Variants in LARGE1 observed in about 807,000 individuals in gnomAD.
LARGE1 encodes xylosyl- and glucuronyltransferase LARGE1.
LARGE1 carries 43 observed loss-of-function variants against 87.6 expected under a neutral mutation model. The ratio of observed to expected loss-of-function variants is 0.49; its 90% confidence interval spans 0.38 to 0.63. The LOEUF is 0.63. LARGE1 is among the 30% of genes least tolerant of loss of function. The pLI is 0.00. For missense variants in LARGE1, 802 were observed against 1,000.2 expected (o/e 0.80, Z 2.67); for synonymous variants, 434 against 394.6 (o/e 1.10, Z -1.18).
intron 5 of LARGE1, among the ~76,000 whole-genome samples, chr22:33,599,405 G>T (rs1008257648): frequency 2.0e-5 from 3 of 152,146 alleles, no homozygotes; most frequent in Non-Finnish European, 4.4e-5. Context: ...TGTTTTGAGT[G>T]AGTGGAGTTC....
intron 11 of LARGE1, among the ~76,000 whole-genome samples, chr22:33,251,063 G>T (rs1470284817): frequency 6.6e-6 from 1 of 152,164 alleles, no homozygotes; most frequent in Non-Finnish European, 1.5e-5. Context: ...AGAGATTATA[G>T]GGAATTGGTA....
intron 11 of LARGE1, among the ~76,000 whole-genome samples, chr22:33,171,780 C>G (rs1010644011): frequency 6.6e-6 from 1 of 152,198 alleles, no homozygotes; most frequent in Admixed American, 6.5e-5. Context: ...GGGTAGAGCC[C>G]TCATGGAGAA....
chr22:33,453,555 C>T (rs1351944966), intron 6 of LARGE1, among the ~76,000 whole-genome samples: 1 of 152,180 alleles, frequency 6.6e-6, no homozygotes, highest in East Asian at 1.9e-4. Context: ...GAGTCAGCTA[C>T]AGTCAGTGAG....
At chr22:33,258,482 C>CA (rs1240047594) in intron 11 of LARGE1, among the ~76,000 whole-genome samples, 4 of 152,176 alleles carry the variant, frequency 2.6e-5, no homozygotes, top group Admixed American at 6.5e-5. Flanking sequence ...GCATTTGAAT[C>CA]AGAGCAACTC....
chr22:33,770,581 A>G lies in LARGE1; in HGVS notation c.-82-9023T>C, dbSNP rs182371645. Among the ~76,000 whole-genome samples, 358 of 152,226 alleles carry G rather than the reference A, an allele frequency of 2.4e-3. 4 individuals carry two copies. The highest frequency in any genetic ancestry group is 7.5e-3 in the African/African-American group (310 of 41,544). ...CTGCCTGTAGTCACAGCTACTCCGG[A>G]GGCTGAGGGAGGATGATCACTTGAG... On this transcript the variant is annotated intron_variant, in intron 1 of 14. Transcript: ENST00000397394.
chr22:33,315,980 A>G, intron 11 of LARGE1, 105 bp downstream of exon 11: 1 of 1,327,014 alleles, frequency 7.5e-7, no homozygotes, highest in South Asian at 1.3e-5. Flanking sequence ...CCATCCTCCA[A>G]TTTTAGCAGA....
intron 1 of LARGE1, among the ~76,000 whole-genome samples, chr22:33,844,701 A>G (rs1468424169): frequency 1.3e-5 from 2 of 152,004 alleles, no homozygotes; most frequent in Admixed American, 1.3e-4. Flanking sequence ...TTGTTTATAA[A>G]ATAAGAGTGT....
intron 1 of LARGE1, among the ~76,000 whole-genome samples, chr22:33,805,331 C>T (rs1032916750): frequency 1.3e-5 from 2 of 152,118 alleles, no homozygotes; most frequent in Admixed American, 6.6e-5. Context: ...TCCTTGTCTG[C>T]AAGCTCTGCT....
rs143929816 is a variant in LARGE1 at position 33,684,436 on chromosome 22, C to T, written c.107-33768G>A. 4.6e-3 allele frequency among the ~76,000 whole-genome samples: 698 copies of T among 152,084 alleles called. 2 individuals are homozygous for T. Among genetic ancestry groups the T allele is most frequent in the Middle Eastern group, 6.8e-3 (2 of 294 alleles). ...CCTGATCTGCCCCCGAGAAACAAGA[C>T]GGATAGAAGAGAAAATCCCATAGAA... On this transcript the variant is annotated intron_variant, in intron 2 of 14. Transcript: ENST00000397394.
At chr22:33,595,739 G>A (rs986179989) in intron 5 of LARGE1, among the ~76,000 whole-genome samples, 2 of 152,132 alleles carry the variant, frequency 1.3e-5, no homozygotes, top group Middle Eastern at 3.2e-3. Flanking sequence ...GCCAGGATTG[G>A]CCAGATTTTG....
Position 33,424,713 on chromosome 22 carries a change from T to C in LARGE1, c.892+7448A>G, listed in dbSNP as rs575366530. Among the ~76,000 whole-genome samples the C allele has an allele frequency of 3.9e-5, 6 of 152,096 alleles. No homozygotes were observed. In the South Asian group the frequency reaches 1.0e-3, roughly 26 times the overall value. On this transcript the variant is annotated intron_variant, in intron 7 of 14. Transcript: ENST00000397394. Reference sequence around the variant, plus strand: ...GGGGGTGCACAGCTGTAGTCCAAGCTACTCTGGAGGCTGAGGTGAGAGGAT... The same window carrying C: ...GGGGGTGCACAGCTGTAGTCCAAGCCACTCTGGAGGCTGAGGTGAGAGGAT...
chr22:33,076,583 C>T, the LARGE1 span, among the ~76,000 whole-genome samples: 38 of 152,134 alleles, frequency 2.5e-4, no homozygotes, highest in East Asian at 1.9e-4. Flanking sequence ...TCCTGCTGTC[C>T]GTGGTGCTGA....
At chr22:33,355,170 A>G (rs889642223) in intron 9 of LARGE1, among the ~76,000 whole-genome samples, 1 of 152,182 alleles carries the variant, frequency 6.6e-6, no homozygotes, top group Non-Finnish European at 1.5e-5. Flanking sequence ...ATTTCTGGAC[A>G]CCATGATCTT....
chr22:33,491,661 A>T (rs535074315), intron 6 of LARGE1, among the ~76,000 whole-genome samples: 1 of 152,356 alleles, frequency 6.6e-6, no homozygotes, highest in Non-Finnish European at 1.5e-5. Flanking sequence ...ACAATAAACC[A>T]CTTAATCTGA....
the LARGE1 span, among the ~76,000 whole-genome samples, chr22:33,097,159 C>T: frequency 3.3e-5 from 5 of 152,100 alleles, no homozygotes; most frequent in African/African-American, 9.7e-5. Flanking sequence ...AGATAGCCCA[C>T]GGAGGAAACA....
At chr22:33,357,555 G>C (rs1941008653) in intron 9 of LARGE1, among the ~76,000 whole-genome samples, 1 of 152,038 alleles carries the variant, frequency 6.6e-6, no homozygotes, top group African/African-American at 2.4e-5. Context: ...AGCACTTTGG[G>C]AGGCTGAGTC....
intron 7 of LARGE1, among the ~76,000 whole-genome samples, chr22:33,393,683 C>T (rs1335912301): frequency 6.6e-6 from 1 of 152,198 alleles, no homozygotes; most frequent in Non-Finnish European, 1.5e-5. Context: ...CACCCATTCC[C>T]ATCCTTGTCG....
intron 1 of LARGE1, among the ~76,000 whole-genome samples, chr22:33,879,702 C>T (rs1053138967): frequency 3.3e-5 from 5 of 152,170 alleles, no homozygotes; most frequent in Non-Finnish European, 5.9e-5. Flanking sequence ...ACTTTGGTAA[C>T]GCATGAACTT....
chr22:33,650,687 G>C lies in LARGE1; in HGVS notation c.107-19C>G. 1 of 1,598,048 alleles carries C rather than the reference G, an allele frequency of 6.3e-7. No homozygotes were observed. Among genetic ancestry groups the C allele is most frequent in the South Asian group, 1.1e-5 (1 of 90,980 alleles). ...TTTCCATCTGGGGAGCGAAACACCA[G>C]GGAAGCTTTAATCTGGATGAACCAT... On this transcript the variant is annotated intron_variant, in intron 2 of 14. Transcript: ENST00000397394.
Sources: gnomAD v4.1 joint callset for allele counts (sites outside exome capture counted in the v4.1 genomes callset) on GRCh38, gnomAD v4.1.1 for gene constraint, MANE v1.5 for transcripts, NCBI Gene and HGNC (gene_info 2026-07-23, HGNC 2026-07-21) for gene names.